Variants in IFT81 observed in about 807,000 individuals in gnomAD.
The protein encoded by IFT81 is intraflagellar transport 81.
Under a neutral mutation model 102.6 loss-of-function variants are expected in IFT81, and 72 were observed. The ratio of observed to expected loss-of-function variants is 0.70; its 90% CI spans 0.58 to 0.85. The LOEUF (loss-of-function observed/expected upper bound fraction) is 0.85. Among genes scored for constraint, IFT81 ranks in the 40% least tolerant of loss-of-function variants. The pLI, the probability that IFT81 is intolerant of heterozygous loss-of-function variation, is 0.00. For synonymous variants in IFT81, 237 were observed against 242.7 expected (o/e 0.98, Z 0.22); for missense variants, 723 against 787.3 (o/e 0.92, Z 0.98).
At chr12:110,168,522 A>AT (rs1271817848) in intron 11 of IFT81, 2 of 810,866 alleles carry the variant, frequency 2.5e-6, no homozygotes, top group African/African-American at 3.7e-5. Context: ...TACTACATTA[A>AT]TTTTTTTAAA....
rs1029118834 is a variant in IFT81 at position 110,124,437 on chromosome 12, A to AT, written c.-443dup. 1 of 151,890 alleles carries AT rather than the reference A, an allele frequency of 6.6e-6. No individual in the cohort carries two copies. The highest frequency in any genetic ancestry group is 2.4e-5 in the African/African-American group (1 of 41,264). 9.4% of individuals were successfully genotyped at this position (151,890 alleles called of 1,614,324 possible). Reference sequence around the variant, plus strand: ...GTGGGGAAACGGTTTCGTGAGGAGAATTTGAGGTAACCTCGCCAACTCGCG... The same window carrying AT: ...GTGGGGAAACGGTTTCGTGAGGAGAATTTTGAGGTAACCTCGCCAACTCGCG... On this transcript the variant is annotated 5_prime_UTR_variant, in exon 1 of 19. Coordinates refer to ENST00000242591, the MANE Select transcript of IFT81 (RefSeq NM_014055.4).
chr12:110,153,017 C>T (rs1895626603), intron 10 of IFT81, among the ~76,000 whole-genome samples: 1 of 152,100 alleles, frequency 6.6e-6, no homozygotes, highest in Admixed American at 6.6e-5. Flanking sequence ...TCATGAAGTC[C>T]AATTTGTCTA....
At chr12:110,211,646 T>TA (rs990369500) in intron 18 of IFT81, among the ~76,000 whole-genome samples, 2 of 151,982 alleles carry the variant, frequency 1.3e-5, no homozygotes, top group African/African-American at 2.4e-5. Flanking sequence ...TGTTTTTTTT[T>TA]AATGATAGAA....
intron 12 of IFT81, among the ~76,000 whole-genome samples, chr12:110,186,658 C>T (rs1294032863): frequency 2.0e-5 from 3 of 151,958 alleles, no homozygotes; most frequent in Non-Finnish European, 2.9e-5. Context: ...GGACCACAGG[C>T]CCGAGCCACC....
intron 10 of IFT81, among the ~76,000 whole-genome samples, chr12:110,154,686 A>T (rs919031431): frequency 1.3e-5 from 2 of 152,060 alleles, no homozygotes; most frequent in Non-Finnish European, 2.9e-5. Flanking sequence ...AATTTCCACA[A>T]ATTTGTGAAT....
chr12:110,212,537 TAAA>T (rs71083109), intron 18 of IFT81, among the ~76,000 whole-genome samples: 3 of 119,896 alleles, frequency 2.5e-5, no homozygotes, highest in Non-Finnish European at 1.8e-5. Flanking sequence ...AACTGTGTCT[TAAA>T]AAAAAAAAAA....
intron 10 of IFT81, among the ~76,000 whole-genome samples, chr12:110,156,817 C>T (rs896959070): frequency 6.6e-6 from 1 of 152,096 alleles, no homozygotes; most frequent in African/African-American, 2.4e-5. Flanking sequence ...TTTTGAAGGA[C>T]AGTTTTGCCA....
intron 17 of IFT81, 67 bp from the exon 18 acceptor site, chr12:110,209,104 A>G: frequency 1.2e-6 from 1 of 855,832 alleles, no homozygotes; most frequent in Admixed American, 2.2e-5. Flanking sequence ...ATATTAATTT[A>G]TAATTCACTT....
chr12:110,160,910 C>T (rs1203291700), intron 10 of IFT81, among the ~76,000 whole-genome samples: 2 of 152,012 alleles, frequency 1.3e-5, no homozygotes, highest in Non-Finnish European at 1.5e-5. Flanking sequence ...TTTCTCATGT[C>T]TATTAGCTAA....
intron 2 of IFT81, 150 bp from the exon 3 acceptor site, chr12:110,127,896 C>T: frequency 1.6e-6 from 1 of 618,340 alleles, no homozygotes. Context: ...TGTACCCTCA[C>T]TTGGAATCTG....
At chr12:110,205,262 A>T in intron 15 of IFT81, 181 bp from the exon 16 acceptor site, 1 of 529,714 alleles carries the variant, frequency 1.9e-6, no homozygotes, top group Non-Finnish European at 3.1e-6. Context: ...TGCAGGTTAT[A>T]GAGTGATATG....
chr12:110,150,108 CT>C (rs1286269893), intron 10 of IFT81, among the ~76,000 whole-genome samples: 3 of 151,610 alleles, frequency 2.0e-5, no homozygotes, highest in African/African-American at 4.8e-5. Context: ...GTTTTCTTTT[CT>C]TTTCTTTTTT....
chr12:110,166,289 C>A (rs1246437505), intron 11 of IFT81, among the ~76,000 whole-genome samples: 4 of 152,036 alleles, frequency 2.6e-5, no homozygotes, highest in South Asian at 2.1e-4. Context: ...AGACTGGGAG[C>A]AATTTAGTGG....
intron 11 of IFT81, among the ~76,000 whole-genome samples, chr12:110,170,953 G>A (rs1004798751): frequency 3.9e-5 from 6 of 152,176 alleles, no homozygotes; most frequent in African/African-American, 1.4e-4. Context: ...GAAGATAAGG[G>A]AATCCTGGCA....
At chr12:110,154,794 T>A (rs1385269808) in intron 10 of IFT81, among the ~76,000 whole-genome samples, 1 of 151,940 alleles carries the variant, frequency 6.6e-6, no homozygotes, top group East Asian at 1.9e-4. Context: ...CTATTGAAAC[T>A]TTTTTTTGGC....
At chr12:110,129,835 A>AT (rs769288376) in intron 4 of IFT81, among the ~76,000 whole-genome samples, 480 of 143,138 alleles carry the variant, frequency 3.4e-3, no homozygotes, top group Middle Eastern at 0.011. Context: ...AAGGACTTTG[A>AT]TTTTTTTTTT....
intron 14 of IFT81, among the ~76,000 whole-genome samples, chr12:110,195,620 C>T (rs1897967012): frequency 6.6e-6 from 1 of 152,094 alleles, no homozygotes; most frequent in South Asian, 2.1e-4. Flanking sequence ...TTTACATTCT[C>T]CTCTGTTACC....
chr12:110,194,992 T>TA (rs1339359193), intron 14 of IFT81, among the ~76,000 whole-genome samples: 2 of 152,128 alleles, frequency 1.3e-5, no homozygotes, highest in African/African-American at 4.8e-5. Context: ...TTTCCACTTT[T>TA]AAAAAAAGTA....
intron 4 of IFT81, among the ~76,000 whole-genome samples, chr12:110,129,842 T>C (rs962407099): frequency 2.0e-5 from 3 of 151,754 alleles, no homozygotes; most frequent in African/African-American, 7.3e-5. Flanking sequence ...TTGATTTTTT[T>C]TTTTTTTTAA....
Sources: gnomAD v4.1 joint callset for allele counts (sites outside exome capture counted in the v4.1 genomes callset) on GRCh38, gnomAD v4.1.1 for gene constraint, MANE v1.5 for transcripts, NCBI Gene and HGNC (gene_info 2026-07-23, HGNC 2026-07-21) for gene names.